The following MTCL2 variants were observed in gnomAD, a reference collection of about 807,000 sequenced individuals.
MTCL2 encodes microtubule crosslinking factor 2.
chr20:36,783,852 AAATG>A, the MTCL2 span: 1 of 985,466 alleles, frequency 1.0e-6, no homozygotes, highest in Non-Finnish European at 1.2e-6. Context: ...TTACCAAGTA[AAATG>A]CTAAAAACCG....
At chr20:36,837,367 G>A in the MTCL2 span, among the ~76,000 whole-genome samples, 1 of 150,776 alleles carries the variant, frequency 6.6e-6, no homozygotes, top group Non-Finnish European at 1.5e-5. Flanking sequence ...CTGAAGCAGA[G>A]AGCAGTGAGG....
the MTCL2 span, among the ~76,000 whole-genome samples, chr20:36,856,722 C>A: frequency 6.6e-6 from 1 of 152,368 alleles, no homozygotes; most frequent in South Asian, 2.1e-4. Context: ...GTGTTCCCAG[C>A]AGCCTTGTAG....
At chr20:36,842,158 C>T in the MTCL2 span, among the ~76,000 whole-genome samples, 1 of 152,118 alleles carries the variant, frequency 6.6e-6, no homozygotes, top group Admixed American at 6.6e-5. Flanking sequence ...AGCAAATTTG[C>T]AATTCTATGT....
chr20:36,844,165 G>T, the MTCL2 span, among the ~76,000 whole-genome samples: 16 of 152,170 alleles, frequency 1.1e-4, no homozygotes, highest in African/African-American at 3.4e-4. Context: ...GAACCCAGGA[G>T]GCGGAGGTTG....
the MTCL2 span, chr20:36,805,872 TC>T: frequency 6.2e-7 from 1 of 1,612,216 alleles, no homozygotes; most frequent in Non-Finnish European, 8.5e-7. Flanking sequence ...GGTCCAGCTG[TC>T]CCCCGTGCAG....
the MTCL2 span, chr20:36,859,839 G>T: frequency 1.6e-6 from 2 of 1,231,682 alleles, no homozygotes; most frequent in South Asian, 8.2e-5. Context: ...CTGCATCTTA[G>T]AGGCAAAGTA....
At chr20:36,822,834 T>C in the MTCL2 span, among the ~76,000 whole-genome samples, 1 of 151,776 alleles carries the variant, frequency 6.6e-6, no homozygotes, top group Non-Finnish European at 1.5e-5. Context: ...CTCGGCTCAC[T>C]GCAACCTCCG....
At chr20:36,827,392 C>T in the MTCL2 span, among the ~76,000 whole-genome samples, 2 of 116,278 alleles carry the variant, frequency 1.7e-5, no homozygotes, top group Admixed American at 1.2e-4. Flanking sequence ...GAGATAGGGT[C>T]TCACTCTGTC....
the MTCL2 span, among the ~76,000 whole-genome samples, chr20:36,788,563 G>T: frequency 6.7e-6 from 1 of 150,046 alleles, no homozygotes; most frequent in Middle Eastern, 3.5e-3. Flanking sequence ...GCGTGAACCT[G>T]GGAGGCGGAG....
chr20:36,818,609 A>G, the MTCL2 span, among the ~76,000 whole-genome samples: 711 of 152,286 alleles, frequency 4.7e-3, 3 homozygotes, highest in African/African-American at 0.016. Context: ...AGACTAGCCT[A>G]GGCAACATAG....
At chr20:36,808,744 C>G in the MTCL2 span, 1 of 1,579,398 alleles carries the variant, frequency 6.3e-7, no homozygotes, top group Non-Finnish European at 8.6e-7. Context: ...CCTCCTTCAG[C>G]TGCCGGGGGA....
the MTCL2 span, among the ~76,000 whole-genome samples, chr20:36,818,373 G>A: frequency 6.6e-6 from 1 of 152,202 alleles, no homozygotes; most frequent in African/African-American, 2.4e-5. Flanking sequence ...AAGAGTTTGA[G>A]ACCAGCCTGG....
chr20:36,857,395 G>A, the MTCL2 span, among the ~76,000 whole-genome samples: 1 of 152,256 alleles, frequency 6.6e-6, no homozygotes, highest in African/African-American at 2.4e-5. Flanking sequence ...ACTTCTCTGA[G>A]TGAGTATCCT....
At chr20:36,850,546 A>G in the MTCL2 span, among the ~76,000 whole-genome samples, 8 of 152,048 alleles carry the variant, frequency 5.3e-5, no homozygotes, top group Admixed American at 3.9e-4. Context: ...AAAGAAAAAA[A>G]AAAGCCACCT....
At chr20:36,855,091 G>A in the MTCL2 span, among the ~76,000 whole-genome samples, 3 of 151,778 alleles carry the variant, frequency 2.0e-5, no homozygotes, top group African/African-American at 4.8e-5. Context: ...CTGGGGTCAC[G>A]GGGGTCACAC....
chr20:36,860,582 G>A, the MTCL2 span, among the ~76,000 whole-genome samples: 3 of 152,166 alleles, frequency 2.0e-5, no homozygotes, highest in African/African-American at 4.8e-5. Flanking sequence ...CAAGAGAACA[G>A]GCTGGGTGCA....
At chr20:36,814,124 T>C in the MTCL2 span, among the ~76,000 whole-genome samples, 61 of 152,306 alleles carry the variant, frequency 4.0e-4, no homozygotes, top group African/African-American at 1.4e-3. Context: ...CAGTGTCTAA[T>C]TGCACATTCA....
At chr20:36,833,110 T>C in the MTCL2 span, among the ~76,000 whole-genome samples, 26 of 152,350 alleles carry the variant, frequency 1.7e-4, no homozygotes, top group African/African-American at 5.8e-4. Context: ...AGGAAGGCTA[T>C]AGAACTAAGG....
chr20:36,829,106 T>C, the MTCL2 span: 1 of 1,566,936 alleles, frequency 6.4e-7, no homozygotes, highest in Non-Finnish European at 8.7e-7. Context: ...CAGCTCAGTC[T>C]CGATGAGCCG....
Sources: gnomAD v4.1 joint callset for allele counts (sites outside exome capture counted in the v4.1 genomes callset) on GRCh38, gnomAD v4.1.1 for gene constraint, MANE v1.5 for transcripts, NCBI Gene and HGNC (gene_info 2026-07-23, HGNC 2026-07-21) for gene names.